The following PRKG1 variants were observed in gnomAD, a reference collection of about 807,000 sequenced individuals.
PRKG1 encodes the protein cGMP-dependent protein kinase 1.
A neutral mutation model predicts 88.1 loss-of-function variants in PRKG1; 35 were observed. The observed-to-expected ratio is 0.40, with a 90% CI of 0.30 to 0.53. The LOEUF (loss-of-function observed/expected upper bound fraction) is 0.53. PRKG1 is among the 20% of genes least tolerant of loss of function. The pLI is 0.59. For synonymous variants in PRKG1, 303 were observed against 292.5 expected (o/e 1.04, Z -0.37); for missense variants, 540 against 839.8 (o/e 0.64, Z 4.41).
chr10:51,399,597 G>GA (rs1366389065), intron 2 of PRKG1, among the ~76,000 whole-genome samples: 4 of 152,096 alleles, frequency 2.6e-5, no homozygotes, highest in Non-Finnish European at 5.9e-5. Flanking sequence ...TTATGTAGAA[G>GA]AAAAATAAAA....
intron 9 of PRKG1, among the ~76,000 whole-genome samples, chr10:52,244,783 T>TATATATTTAAATGTATATTTAG (rs1840969554): frequency 1.6e-5 from 2 of 125,638 alleles, no homozygotes; most frequent in Non-Finnish European, 1.6e-5. Flanking sequence ...TATACCTTAA[T>TATATATTTAAATGTATATTTAG]ATATATTTAA....
intron 1 of PRKG1, among the ~76,000 whole-genome samples, chr10:51,079,061 G>A (rs1262348922): frequency 6.6e-6 from 1 of 152,158 alleles, no homozygotes; most frequent in Non-Finnish European, 1.5e-5. Flanking sequence ...GAATTCTAGT[G>A]TAATCATAGA....
chr10:51,867,701 A>G (rs143755198), intron 4 of PRKG1, among the ~76,000 whole-genome samples: 3 of 152,308 alleles, frequency 2.0e-5, no homozygotes, highest in East Asian at 3.9e-4. Flanking sequence ...GGAGCTGAAC[A>G]GAGACAAGAG....
At chr10:51,335,061 G>C (rs1365001346) in intron 2 of PRKG1, among the ~76,000 whole-genome samples, 1 of 136,374 alleles carries the variant, frequency 7.3e-6, no homozygotes, top group Non-Finnish European at 1.5e-5. Flanking sequence ...GCTGGAGTTG[G>C]AGTGCAGTGG....
At chr10:52,100,875 T>C (rs770538696) in intron 7 of PRKG1, among the ~76,000 whole-genome samples, 1 of 152,234 alleles carries the variant, frequency 6.6e-6, no homozygotes, top group Non-Finnish European at 1.5e-5. Flanking sequence ...TAAGGAAACA[T>C]AGCTTAAAGG....
At chr10:51,620,475 G>GA (rs2132260475) in intron 3 of PRKG1, among the ~76,000 whole-genome samples, 1 of 152,034 alleles carries the variant, frequency 6.6e-6, no homozygotes, top group African/African-American at 2.4e-5. Flanking sequence ...CTAGGTAATG[G>GA]AAAAATACAG....
chr10:51,385,735 C>T (rs1272182424), intron 2 of PRKG1, among the ~76,000 whole-genome samples: 1 of 152,194 alleles, frequency 6.6e-6, no homozygotes, highest in African/African-American at 2.4e-5. Context: ...GCCACCCAGA[C>T]TCTGAAATAG....
At chr10:51,774,655 T>C (rs1838389717) in intron 3 of PRKG1, among the ~76,000 whole-genome samples, 1 of 152,120 alleles carries the variant, frequency 6.6e-6, no homozygotes, top group Non-Finnish European at 1.5e-5. Context: ...AGCTCAATCC[T>C]TGAATTTAAA....
intron 4 of PRKG1, among the ~76,000 whole-genome samples, chr10:51,904,859 A>G (rs1008362249): frequency 5.9e-5 from 9 of 152,172 alleles, no homozygotes; most frequent in Non-Finnish European, 4.4e-5. Context: ...TATATAGTCA[A>G]GTAAATTTCT....
At position 50,991,713 on chromosome 10, in the gene PRKG1, G is replaced by T; in HGVS notation, c.266+69G>T. The T allele has an allele frequency of 8.8e-7, 1 of 1,131,074 alleles. No homozygotes were observed. Among genetic ancestry groups the T allele is most frequent in the Non-Finnish European group, 1.1e-6 (1 of 917,368 alleles). The allele number at this position is 1,131,074 out of a possible 1,614,324, so 70.1% of individuals were successfully genotyped here. ...GGCGCAGAGGCTGGGGGCTCTGGCC[G>T]CGGCGGCGGGGGCGGGTCGGCCCAG... On this transcript the variant is annotated intron_variant, in intron 1 of 17. Transcript: ENST00000401604. This position sits in a 1 kb window ranked among gnomAD's most constrained non-coding sequence, Gnocchi z 4.5.
chr10:51,641,752 G>A (rs899174050), intron 3 of PRKG1, among the ~76,000 whole-genome samples: 2 of 152,068 alleles, frequency 1.3e-5, no homozygotes, highest in African/African-American at 2.4e-5. Context: ...ACTCATCGCC[G>A]TTCTTTTTAA....
At chr10:51,333,886 A>G (rs1229458230) in intron 2 of PRKG1, among the ~76,000 whole-genome samples, 1 of 152,164 alleles carries the variant, frequency 6.6e-6, no homozygotes, top group African/African-American at 2.4e-5. Flanking sequence ...TTGTACCTGC[A>G]TCATAGTAAC....
intron 3 of PRKG1, among the ~76,000 whole-genome samples, chr10:51,621,610 T>C (rs565917923): frequency 5.4e-4 from 82 of 152,320 alleles, no homozygotes; most frequent in African/African-American, 1.9e-3. Flanking sequence ...ACCTCTCTTT[T>C]AGATGAGGAA....
At chr10:51,693,617 G>C (rs1841205253) in intron 3 of PRKG1, among the ~76,000 whole-genome samples, 1 of 151,938 alleles carries the variant, frequency 6.6e-6, no homozygotes, top group South Asian at 2.1e-4. Flanking sequence ...GGCCAGGCTG[G>C]TCTCAAACTC....
chr10:51,181,896 A>T (rs1226193217), intron 2 of PRKG1, among the ~76,000 whole-genome samples: 2 of 152,224 alleles, frequency 1.3e-5, no homozygotes, highest in Admixed American at 6.5e-5. Context: ...TTGGATTGCA[A>T]CAGTTTTGTC....
At chr10:51,500,239 G>A (rs1486440778) in intron 3 of PRKG1, among the ~76,000 whole-genome samples, 3 of 152,104 alleles carry the variant, frequency 2.0e-5, no homozygotes, top group East Asian at 3.8e-4. Context: ...AATGAAGATC[G>A]ACATTTCTGG....
At chr10:51,199,560 G>C (rs1328746117) in intron 2 of PRKG1, among the ~76,000 whole-genome samples, 3 of 152,136 alleles carry the variant, frequency 2.0e-5, no homozygotes, top group Non-Finnish European at 4.4e-5. Context: ...CAGCACAATG[G>C]CCTGTATGGA....
chr10:51,049,036 C>G (rs1217306393), intron 1 of PRKG1, among the ~76,000 whole-genome samples: 1 of 152,102 alleles, frequency 6.6e-6, no homozygotes, highest in East Asian at 1.9e-4. Context: ...ATGAACCAAG[C>G]TGACAGAGGC....
intron 2 of PRKG1, among the ~76,000 whole-genome samples, chr10:51,431,618 T>C (rs1406234825): frequency 6.6e-6 from 1 of 152,116 alleles, no homozygotes; most frequent in Non-Finnish European, 1.5e-5. Context: ...TTTTTAATAA[T>C]TGGACAGCTC....
Sources: allele counts gnomAD v4.1 joint callset (sites outside exome capture counted in the v4.1 genomes callset), GRCh38; gene constraint gnomAD v4.1.1; non-coding constraint Gnocchi (gnomAD v3.1); transcripts MANE v1.5; gene names NCBI Gene and HGNC (gene_info 2026-07-23, HGNC 2026-07-21).